The following HACD2 variants were observed in gnomAD, a reference collection of about 807,000 sequenced individuals.
The protein encoded by HACD2 is 3-hydroxyacyl-CoA dehydratase 2, also known as very-long-chain (3R)-3-hydroxyacyl-CoA dehydratase 2.
A neutral mutation model predicts 31.0 loss-of-function variants in HACD2; 15 were observed. The observed-to-expected ratio is 0.48, with a 90% CI of 0.32 to 0.75. The LOEUF (loss-of-function observed/expected upper bound fraction) is 0.75. HACD2 is among the 30% of genes least tolerant of loss of function. HACD2 has a pLI of 0.03. For synonymous variants in HACD2, 115 were observed against 122.2 expected, an observed-to-expected ratio of 0.94 and a Z score of 0.39; for missense variants, 283 against 313.0, an observed-to-expected ratio of 0.90 and a Z score of 0.72.
intron 2 of HACD2, among the ~76,000 whole-genome samples, chr3:123,579,788 C>T (rs2056946350): frequency 1.3e-5 from 2 of 152,150 alleles, no homozygotes; most frequent in South Asian, 2.1e-4. Flanking sequence ...GAAAGTACTA[C>T]TTATTTACTA....
chr3:123,513,903 C>T lies in HACD2; in HGVS notation c.382-11222G>A, dbSNP rs2107692012. Among the ~76,000 whole-genome samples the T allele has an allele frequency of 2.6e-5, 4 of 152,238 alleles. No homozygotes were observed. The Middle Eastern group carries it at 0.01, about 388-fold the overall frequency. The stretch of plus-strand genomic sequence containing the variant: ...GATATAGGAGTGTCTAGAACACATA[C>T]TCAAGTACTTATGGGTGATAGGATG... On this transcript the variant is annotated intron_variant, in intron 4 of 6. Coordinates refer to ENST00000383657, the MANE Select transcript of HACD2 (RefSeq NM_198402.5).
At chr3:123,497,401 C>A (rs541649318) in intron 6 of HACD2, among the ~76,000 whole-genome samples, 1 of 152,252 alleles carries the variant, frequency 6.6e-6, no homozygotes, top group Non-Finnish European at 1.5e-5. Context: ...GCCCTCCTTT[C>A]TTTAAGAAGA....
intron 3 of HACD2, among the ~76,000 whole-genome samples, chr3:123,538,904 A>G (rs572816334): frequency 3.9e-5 from 6 of 152,358 alleles, no homozygotes; most frequent in African/African-American, 1.4e-4. Context: ...AAGAACGAAC[A>G]CTTTCAACTG....
At position 123,492,944 on chromosome 3, in the gene HACD2, C is replaced by T. The variant is rs746252150; in HGVS notation, c.*1944G>A. ...AGAATAGATTCTAATTTCAACATGT[C>T]CAAGTTGAGTGCTGACTTTAAGAAG... On this transcript the variant is annotated 3_prime_UTR_variant, in exon 7 of 7. Transcript: ENST00000383657. The T allele has an allele frequency of 3.9e-5, 6 of 152,160 alleles. No individual in the cohort carries two copies. The highest frequency in any genetic ancestry group is 6.5e-5 in the Admixed American group (1 of 15,278). The allele number at this position is 152,160 out of a possible 1,614,324, so 9.4% of individuals were successfully genotyped here. A position where few individuals can be genotyped will look rare whatever the true frequency, so the allele number is the denominator to read the frequency against.
chr3:123,580,344 T>A (rs957764388), intron 2 of HACD2, among the ~76,000 whole-genome samples: 3 of 152,024 alleles, frequency 2.0e-5, no homozygotes, highest in African/African-American at 7.3e-5. Flanking sequence ...GGCACGGTAG[T>A]GCACGCCTGT....
intron 3 of HACD2, among the ~76,000 whole-genome samples, chr3:123,535,695 G>A (rs1407042330): frequency 3.3e-5 from 5 of 152,212 alleles, no homozygotes; most frequent in Non-Finnish European, 7.3e-5. Flanking sequence ...TGACTAACTA[G>A]CAGCCACCTC....
chr3:123,559,775 T>A (rs773354480), intron 3 of HACD2, among the ~76,000 whole-genome samples: 2 of 152,166 alleles, frequency 1.3e-5, no homozygotes, highest in Non-Finnish European at 2.9e-5. Context: ...AGGATAAAAT[T>A]CCCTGATCTG....
chr3:123,544,805 T>C (rs1252466357), intron 3 of HACD2, among the ~76,000 whole-genome samples: 1 of 152,170 alleles, frequency 6.6e-6, no homozygotes, highest in African/African-American at 2.4e-5. Flanking sequence ...ATGCCATTTT[T>C]GTTATGCACA....
rs1403426310 is a variant in HACD2 at position 123,494,893 on chromosome 3, C to G, written c.760G>C (p.Glu254Gln). The part of the protein sequence containing the change: ...LSHTEEHKKF[E>Q] ...GGAGGTGCAGAAAGCAGGAACTATT[C>G]AAATTTCTTGTGTTCTTCAGTATGA... Residue 254 changes from glutamate to glutamine, a missense_variant, in exon 7 of 7, where the codon GAA becomes CAA. Physicochemically the swap from Glu to Gln is conservative, Grantham distance 29 (BLOSUM62 2). Transcript: ENST00000383657. 1.3e-6 allele frequency: 2 copies of G among 1,550,752 alleles called. No individual in the cohort carries two copies. The highest frequency in any genetic ancestry group is 1.9e-5 in the Admixed American group (1 of 51,536).
intron 3 of HACD2, among the ~76,000 whole-genome samples, chr3:123,556,539 C>T (rs77749368): frequency 6.6e-6 from 1 of 151,798 alleles, no homozygotes; most frequent in Non-Finnish European, 1.5e-5. Context: ...TCAGGGTAAT[C>T]GAGATATCTA....
intron 4 of HACD2, among the ~76,000 whole-genome samples, chr3:123,509,461 AG>A (rs1330995357): frequency 2.0e-5 from 3 of 151,794 alleles, no homozygotes; most frequent in African/African-American, 7.3e-5. Flanking sequence ...CCTCTGTTAT[AG>A]ATTCATTGAA....
chr3:123,539,908 T>A (rs1342006471), intron 3 of HACD2, among the ~76,000 whole-genome samples: 2 of 34,106 alleles, frequency 5.9e-5, no homozygotes, highest in Non-Finnish European at 1.1e-4. Context: ...GCCTCGTCTC[T>A]ACTAAAAAAA....
At chr3:123,540,008 C>CCTGAGT (rs1451861632) in intron 3 of HACD2, among the ~76,000 whole-genome samples, 9 of 145,834 alleles carry the variant, frequency 6.2e-5, no homozygotes, top group African/African-American at 2.3e-4. Flanking sequence ...GATCACTGAG[C>CCTGAGT]CTGAGTCTGA....
chr3:123,567,811 A>C, intron 2 of HACD2, 31 bp from the exon 3 acceptor site: 1 of 1,410,482 alleles, frequency 7.1e-7, no homozygotes, highest in Non-Finnish European at 9.6e-7. Context: ...AAAGAGGAGA[A>C]TTAGTAAGAA....
chr3:123,544,264 G>C (rs547692885), intron 3 of HACD2, among the ~76,000 whole-genome samples: 1 of 152,264 alleles, frequency 6.6e-6, no homozygotes, highest in South Asian at 2.1e-4. Flanking sequence ...AAAGTGAAGA[G>C]AAGAGAAAGA....
At chr3:123,522,332 C>CAAAAA (rs34478912) in intron 4 of HACD2, among the ~76,000 whole-genome samples, 6 of 116,880 alleles carry the variant, frequency 5.1e-5, no homozygotes, top group South Asian at 2.7e-4. Flanking sequence ...TGTCTCCAAA[C>CAAAAA]AAAAAAAAAA....
At chr3:123,547,320 T>C (rs960694375) in intron 3 of HACD2, among the ~76,000 whole-genome samples, 2 of 152,208 alleles carry the variant, frequency 1.3e-5, no homozygotes, top group African/African-American at 2.4e-5. Flanking sequence ...AAATGTTATA[T>C]GAATAAACTC....
Position 123,494,842 on chromosome 3 carries a change from T to C in HACD2, c.*46A>G, listed in dbSNP as rs1424596224. ...AACTCAAAAAATCTGCAGCATTTTT[T>C]GATCATTGAAAAGTTTGTTTTGGTG... On this transcript the variant is annotated 3_prime_UTR_variant, in exon 7 of 7. Transcript: ENST00000383657. The C allele has an allele frequency of 3.2e-6, 4 of 1,243,516 alleles. No individual in the cohort carries two copies. In the East Asian group the frequency reaches 7.6e-5, roughly 24 times the overall value. The allele number at this position is 1,243,516 out of a possible 1,614,324, so 77.0% of individuals were successfully genotyped here. A position where few individuals can be genotyped will look rare whatever the true frequency, so the allele number is the denominator to read the frequency against.
intron 2 of HACD2, 82 bp from the exon 3 acceptor site, chr3:123,567,862 AG>A: frequency 1.1e-6 from 1 of 894,984 alleles, no homozygotes; most frequent in Non-Finnish European, 1.7e-6. Context: ...CTAATGTTTC[AG>A]TAAGAATAGA....
Sources: gnomAD v4.1 joint callset for allele counts (sites outside exome capture counted in the v4.1 genomes callset) on GRCh38, gnomAD v4.1.1 for gene constraint, MANE v1.5 for transcripts, NCBI Gene and HGNC (gene_info 2026-07-23, HGNC 2026-07-21) for gene names.